The following LIG1 variants were observed in gnomAD, a reference collection of about 807,000 sequenced individuals.
LIG1 encodes ligase I, DNA, ATP-dependent.
Under a neutral mutation model 115.7 loss-of-function variants are expected in LIG1, and 70 were observed. That is an observed-to-expected ratio of 0.60 (90% confidence interval 0.50 to 0.74). LIG1 has a LOEUF of 0.74. Ranked by LOEUF, LIG1 falls within the 30% of genes least tolerant of loss-of-function variation. The pLI is 0.00. For synonymous variants in LIG1, 487 were observed against 495.3 expected (o/e 0.98, Z 0.22); for missense variants, 1,115 against 1,225.6 (o/e 0.91, Z 1.35).
At position 48,121,236 on chromosome 19, in the gene LIG1, G is replaced by A; in HGVS notation, c.2319C>T (p.Gly773=). 1 of 1,613,888 alleles carries A rather than the reference G, an allele frequency of 6.2e-7. No individual in the cohort carries two copies. The highest frequency in any genetic ancestry group is 8.5e-7 in the Non-Finnish European group (1 of 1,179,958). ...GAYLGRGKRA[G]RYGGFLLASY... ...AGGCCAGCAGGAAGCCCCCGTACCG[G>A]CCGGCCCGCTTCCCCCGGCCCAGGT... The change falls in exon 24 of 28, where the codon GGC becomes GGT. Residue 773 remains glycine (G), a synonymous_variant. Transcript: ENST00000263274.
chr19:48,137,622 T>C lies in LIG1; in HGVS notation c.1154A>G (p.Asn385Ser), dbSNP rs748951611. 25 of 1,611,576 alleles carry C rather than the reference T, an allele frequency of 1.6e-5. No individual in the cohort carries two copies. Among genetic ancestry groups the C allele is most frequent in the Non-Finnish European group, 2.1e-5 (25 of 1,179,818 alleles). The change falls in exon 13 of 28, where the codon AAC becomes AGC. Residue 385 changes from asparagine (N) to serine (S), a missense_variant. Coordinates refer to ENST00000263274, the MANE Select transcript of LIG1 (RefSeq NM_000234.3). The surrounding 1 kb of genome is among the most constrained non-coding windows in gnomAD (Gnocchi z 4.3). The stretch of plus-strand genomic sequence containing the variant: ...CATGAGCCTCTGGGTGCTGCGGCTG[T>C]TCTCGGCCACCAGCCCCACGTCGCC... ...EKGDVGLVAE[N>S]SRSTQRLMLP...
chr19:48,161,335 T>A, intron 4 of LIG1, 37 bp downstream of exon 4: 2 of 1,613,980 alleles, frequency 1.2e-6, no homozygotes, highest in South Asian at 2.2e-5. Context: ...GGAATTAGTT[T>A]CTTCTGGTAA....
At position 48,117,578 on chromosome 19, in the gene LIG1, C is replaced by T. The variant is rs1045500005; in HGVS notation, c.2583+60G>A. 38 of 1,584,320 alleles carry T rather than the reference C, an allele frequency of 2.4e-5. No individual in the cohort carries two copies. In the African/African-American group the frequency reaches 5.1e-4, roughly 21 times the overall value. On this transcript the variant is annotated intron_variant, in intron 26 of 27. Coordinates refer to ENST00000263274, the MANE Select transcript of LIG1 (RefSeq NM_000234.3). ...GAGCCAAGGTCCCCTCCCTACTCTG[C>T]TCTCTGTGTGCCCGCCCAGAATCCC...
intron 17 of LIG1, 26 bp downstream of exon 17, chr19:48,133,955 C>T: frequency 6.5e-7 from 1 of 1,544,428 alleles, no homozygotes; most frequent in Non-Finnish European, 8.8e-7. Flanking sequence ...TGCTGCCAGG[C>T]TGGTGAGCGC....
chr19:48,119,396 G>A (rs983681429), intron 24 of LIG1, among the ~76,000 whole-genome samples: 10 of 152,222 alleles, frequency 6.6e-5, no homozygotes, highest in South Asian at 2.1e-4. Flanking sequence ...CAGGCCTGCC[G>A]TGAACCACTC....
At chr19:48,158,732 G>A (rs570240407) in intron 4 of LIG1, among the ~76,000 whole-genome samples, 5 of 152,322 alleles carry the variant, frequency 3.3e-5, no homozygotes, top group African/African-American at 9.6e-5. Flanking sequence ...TAACATTCAC[G>A]GGGCTTGCCA....
chr19:48,129,709 A>G (rs156638), intron 19 of LIG1, among the ~76,000 whole-genome samples: 98,012 of 152,124 alleles, frequency 0.64, 33,252 homozygotes, highest in East Asian at 0.87. Context: ...ATGGTGTTGG[A>G]CAGAGGAGGG....
At chr19:48,123,787 C>T (rs964921842) in intron 21 of LIG1, among the ~76,000 whole-genome samples, 1 of 151,754 alleles carries the variant, frequency 6.6e-6, no homozygotes, top group Admixed American at 6.6e-5. Flanking sequence ...ATCCACCCAC[C>T]TCAGCCTCCC....
chr19:48,121,600 G>C (rs55667587), intron 23 of LIG1, among the ~76,000 whole-genome samples: 1 of 152,132 alleles, frequency 6.6e-6, no homozygotes, highest in African/African-American at 2.4e-5. Flanking sequence ...TCGGGAGTTC[G>C]AGACCAGTCT....
At chr19:48,148,644 A>C (rs909204916) in intron 9 of LIG1, among the ~76,000 whole-genome samples, 1 of 151,946 alleles carries the variant, frequency 6.6e-6, no homozygotes, top group Non-Finnish European at 1.5e-5. Context: ...AGAATCGCAG[A>C]TGGGTTTTGA....
chr19:48,123,285 G>A lies in LIG1; in HGVS notation c.2038C>T (p.Gln680Ter). The change falls in exon 22 of 28, where the codon CAG becomes TAG. Residue 680 changes from glutamine to a stop codon, truncating the protein, a stop_gained. Transcript: ENST00000263274. LOFTEE classifies it high-confidence loss of function. ...TCCACAAAGTTCTCCCGGAGCAGCT[G>A]CCGGCGCCGGGAAAGGGGCTCACGT... Reference protein sequence around the residue: ...LVREPLSRRRQLLRENFVETE... With the variant: ...LVREPLSRRR The A allele has an allele frequency of 6.2e-7, 1 of 1,614,020 alleles. No individual in the cohort carries two copies. The highest frequency in any genetic ancestry group is 8.5e-7 in the Non-Finnish European group (1 of 1,180,026).
chr19:48,158,116 G>A (rs572366743), intron 4 of LIG1, among the ~76,000 whole-genome samples: 2 of 152,336 alleles, frequency 1.3e-5, no homozygotes, highest in African/African-American at 4.8e-5. Flanking sequence ...GCTCTCACCA[G>A]AAGCAGATGC....
intron 2 of LIG1, 113 bp from the exon 3 acceptor site, chr19:48,162,464 C>A: frequency 1.4e-6 from 1 of 740,070 alleles, no homozygotes; most frequent in Non-Finnish European, 2.2e-6. Flanking sequence ...GACAGAGTCT[C>A]GCTCTGTAGC....
chr19:48,141,220 A>G (rs1022788990), intron 11 of LIG1, among the ~76,000 whole-genome samples: 1 of 152,038 alleles, frequency 6.6e-6, no homozygotes, highest in Non-Finnish European at 1.5e-5. Flanking sequence ...GCTCGCTGCA[A>G]CCTCCACCTT....
chr19:48,116,620 C>G (rs2032855170), intron 26 of LIG1, among the ~76,000 whole-genome samples: 1 of 152,094 alleles, frequency 6.6e-6, no homozygotes, highest in African/African-American at 2.4e-5. Flanking sequence ...GTTACTCAGG[C>G]TCTCTAGGGC....
chr19:48,148,127 C>A (rs12461815), intron 9 of LIG1, among the ~76,000 whole-genome samples: 45,488 of 152,006 alleles, frequency 0.3, 7,890 homozygotes, highest in East Asian at 0.55. Flanking sequence ...GGGAAGCCTG[C>A]TGGGCAGGGT....
chr19:48,143,808 C>T (rs1203922909), intron 10 of LIG1, 75 bp downstream of exon 10: 2 of 1,343,826 alleles, frequency 1.5e-6, no homozygotes, highest in African/African-American at 2.9e-5. Flanking sequence ...TTTCTCCCAA[C>T]CAAGACTCTG....
At chr19:48,143,277 C>T (rs2034891702) in intron 11 of LIG1, among the ~76,000 whole-genome samples, 1 of 152,214 alleles carries the variant, frequency 6.6e-6, no homozygotes, top group Non-Finnish European at 1.5e-5. Flanking sequence ...GCAATGGTGC[C>T]AGTCATCCCG....
rs1313035761 is a variant in LIG1, at chr19:48,137,270, C to A, written c.1255-186G>T. ...AAGAACGAGCTAGCTCTCCTCCTTG[C>A]CTCCCTCTCCCTTTATCCAGGAAGT... On this transcript the variant is annotated intron_variant, in intron 13 of 27. Coordinates refer to ENST00000263274, the MANE Select transcript of LIG1 (RefSeq NM_000234.3). The surrounding 1 kb of genome is among the most constrained non-coding windows in gnomAD (Gnocchi z 4.3). 6.6e-6 allele frequency among the ~76,000 whole-genome samples: 1 copy of A among 152,232 alleles called. No homozygotes were observed. Among genetic ancestry groups the A allele is most frequent in the Non-Finnish European group, 1.5e-5 (1 of 68,042 alleles).
Sources: allele counts gnomAD v4.1 joint callset (sites outside exome capture counted in the v4.1 genomes callset), GRCh38; gene constraint gnomAD v4.1.1; non-coding constraint Gnocchi (gnomAD v3.1); transcripts MANE v1.5; gene names NCBI Gene and HGNC (gene_info 2026-07-23, HGNC 2026-07-21).